The following NCKAP1L variants were observed in gnomAD, a reference collection of about 807,000 sequenced individuals.
NCKAP1L encodes the protein nck-associated protein 1-like.
NCKAP1L carries 53 observed loss-of-function variants against 139.2 expected under a neutral mutation model. The ratio of observed to expected loss-of-function variants is 0.38; its 90% CI spans 0.31 to 0.48. NCKAP1L has a LOEUF of 0.48. NCKAP1L is among the 20% of genes least tolerant of loss of function. NCKAP1L has a pLI of 0.98. For synonymous variants in NCKAP1L, 468 were observed against 499.7 expected (o/e 0.94, Z 0.85); for missense variants, 1,151 against 1,381.9 (o/e 0.83, Z 2.65).
rs1957111717 is a variant in NCKAP1L, at chr12:54,536,230, A to G, written c.3058A>G (p.Ser1020Gly). The G allele has an allele frequency of 6.2e-7, 1 of 1,610,232 alleles. No individual in the cohort carries two copies. ...TGCCACTGACCCTTCTTCCTTTTATAGCATTGAGAAGGATGGTAAGTAAGG... is the reference window on the plus strand; with the variant it reads ...TGCCACTGACCCTTCTTCCTTTTATGGCATTGAGAAGGATGGTAAGTAAGG... ...LLATDPSSFY[S>G]IEKDGYNNNI... The change falls in exon 28 of 31, where the codon AGC (serine) becomes GGC (glycine). Residue 1020 changes from serine (S) to glycine (G), a missense_variant. Physicochemically the swap from Ser to Gly is moderately conservative, Grantham distance 56 (BLOSUM62 0). Transcript: ENST00000293373.
intron 21 of NCKAP1L, 116 bp downstream of exon 21, chr12:54,526,862 G>A (rs1592348394): frequency 1.3e-6 from 1 of 786,256 alleles, no homozygotes; most frequent in East Asian, 2.7e-5. Flanking sequence ...CTCCAAAATG[G>A]AGGGTTGCTT....
At chr12:54,527,668 C>T (rs73310376) in intron 21 of NCKAP1L, among the ~76,000 whole-genome samples, 1,930 of 152,286 alleles carry the variant, frequency 0.013, 29 homozygotes, top group African/African-American at 0.044. Flanking sequence ...GGGTTTGGCC[C>T]ACTGACAGTT....
chr12:54,513,505 T>C (rs1380024040), intron 9 of NCKAP1L, among the ~76,000 whole-genome samples: 1 of 152,166 alleles, frequency 6.6e-6, no homozygotes, highest in Non-Finnish European at 1.5e-5. Context: ...TCTGTGTATG[T>C]TGATATTTAA....
At chr12:54,521,334 G>A (rs1370567813) in intron 18 of NCKAP1L, 96 bp downstream of exon 18, 1 of 1,534,724 alleles carries the variant, frequency 6.5e-7, no homozygotes, top group Non-Finnish European at 8.9e-7. Flanking sequence ...GCCAAGCTCA[G>A]TAACTCTTTC....
At chr12:54,513,899 T>C (rs944880829) in intron 9 of NCKAP1L, among the ~76,000 whole-genome samples, 1 of 151,788 alleles carries the variant, frequency 6.6e-6, no homozygotes, top group African/African-American at 2.4e-5. Context: ...CATCCAGAAA[T>C]GTAAAAAGTG....
chr12:54,544,177 T>C lies in NCKAP1L; in HGVS notation c.*1492T>C, dbSNP rs1016717901. ...CGTGCATCAGCAAATCCTCCTTCCT[T>C]GCTATGGGAAGGGCTTATGTTCTAA... On this transcript the variant is annotated 3_prime_UTR_variant, in exon 31 of 31. Coordinates refer to ENST00000293373, the MANE Select transcript of NCKAP1L (RefSeq NM_005337.5). The C allele has an allele frequency of 2.6e-5, 4 of 152,176 alleles. No homozygotes were observed. The highest frequency in any genetic ancestry group is 2.1e-4 in the South Asian group (1 of 4,824). 9.4% of individuals were successfully genotyped at this position (152,176 alleles called of 1,614,324 possible).
chr12:54,518,632 A>G lies in NCKAP1L; in HGVS notation c.1339-19A>G. 1 of 1,609,136 alleles carries G rather than the reference A, an allele frequency of 6.2e-7. No individual in the cohort carries two copies. ...GGGAACCTGTGCCCACTTGACAGTAACTGCAGCTCCTTTTTTAGAACTTGT... is the reference window on the plus strand; with the variant it reads ...GGGAACCTGTGCCCACTTGACAGTAGCTGCAGCTCCTTTTTTAGAACTTGT... On this transcript the variant is annotated intron_variant, in intron 13 of 30. Transcript: ENST00000293373.
chr12:54,520,160 T>C (rs576263770), intron 16 of NCKAP1L, among the ~76,000 whole-genome samples: 1 of 152,280 alleles, frequency 6.6e-6, no homozygotes, highest in East Asian at 1.9e-4. Context: ...GCAATGTAGT[T>C]GGGGAGATAT....
chr12:54,526,455 T>C, intron 20 of NCKAP1L, 73 bp from the exon 21 acceptor site: 1 of 1,205,264 alleles, frequency 8.3e-7, no homozygotes, highest in Non-Finnish European at 1.2e-6. Flanking sequence ...TGGAACACAA[T>C]ATACACTCAA....
At chr12:54,528,440 A>G (rs993065293) in intron 22 of NCKAP1L, 63 bp downstream of exon 22, 110 of 1,570,492 alleles carry the variant, frequency 7.0e-5, no homozygotes, top group Non-Finnish European at 9.0e-5. Flanking sequence ...CACAGAGAAT[A>G]AAAGACTAGG....
At chr12:54,507,984 A>C in intron 4 of NCKAP1L, 75 bp downstream of exon 4, 3 of 1,317,920 alleles carry the variant, frequency 2.3e-6, no homozygotes, top group Non-Finnish European at 3.3e-6. Flanking sequence ...GTCTAGGTCT[A>C]CTCACAGGAT....
At chr12:54,519,018 T>A in intron 15 of NCKAP1L, 46 bp downstream of exon 15, 2 of 1,569,412 alleles carry the variant, frequency 1.3e-6, no homozygotes, top group Non-Finnish European at 8.8e-7. Flanking sequence ...AGATTCTTCC[T>A]CCCCCACAAT....
chr12:54,509,789 A>G, intron 6 of NCKAP1L, 30 bp downstream of exon 6: 2 of 1,614,218 alleles, frequency 1.2e-6, no homozygotes, highest in African/African-American at 1.3e-5. Flanking sequence ...AGAATTCCTC[A>G]GGCAAAAGTA....
At chr12:54,532,985 A>T (rs1237093390) in intron 26 of NCKAP1L, among the ~76,000 whole-genome samples, 1 of 152,222 alleles carries the variant, frequency 6.6e-6, no homozygotes, top group African/African-American at 2.4e-5. Flanking sequence ...GTTAAGAGGA[A>T]ACTAGTTAGC....
intron 16 of NCKAP1L, among the ~76,000 whole-genome samples, chr12:54,519,891 T>C (rs1203855651): frequency 6.6e-6 from 1 of 152,024 alleles, no homozygotes; most frequent in Non-Finnish European, 1.5e-5. Context: ...TTTTTTTTTT[T>C]TTACTCTAGG....
intron 7 of NCKAP1L, 83 bp from the exon 8 acceptor site, chr12:54,511,720 G>T: frequency 6.7e-7 from 1 of 1,489,266 alleles, no homozygotes; most frequent in South Asian, 1.2e-5. Context: ...AGTTAGTTTT[G>T]ATACTCAGAT....
rs761756139 is a variant in NCKAP1L, at chr12:54,507,928, C to T, written c.363+19C>T. On this transcript the variant is annotated intron_variant, in intron 4 of 30. Transcript: ENST00000293373. ...TGATATCGTAAGAACCTTTGCAATT[C>T]TCTTCTATCGTAGAGTCAAAGAAAA... 1 of 1,611,830 alleles carries T rather than the reference C, an allele frequency of 6.2e-7. No individual in the cohort carries two copies.
intron 18 of NCKAP1L, among the ~76,000 whole-genome samples, chr12:54,521,665 C>A (rs1208909091): frequency 1.3e-5 from 2 of 152,188 alleles, no homozygotes; most frequent in Non-Finnish European, 2.9e-5. Flanking sequence ...AGCACCTCTT[C>A]TGTGTTTATC....
Position 54,503,329 on chromosome 12 carries a change from G to A in NCKAP1L, c.306+2704G>A, listed in dbSNP as rs551553905. Among the ~76,000 whole-genome samples, 3 of 151,590 alleles carry A rather than the reference G, an allele frequency of 2.0e-5. No homozygotes were observed. The South Asian group carries it at 6.2e-4, about 32-fold the overall frequency. ...CATAAAAAATAAAAATTAATATGAT[G>A]TTTTTGAAAGAAAAATTGATAAGGT... is the stretch of plus-strand genomic sequence containing the variant. On this transcript the variant is annotated intron_variant, in intron 3 of 30. Coordinates refer to ENST00000293373, the MANE Select transcript of NCKAP1L (RefSeq NM_005337.5).
Sources: gnomAD v4.1 joint callset for allele counts (sites outside exome capture counted in the v4.1 genomes callset) on GRCh38, gnomAD v4.1.1 for gene constraint, MANE v1.5 for transcripts, NCBI Gene and HGNC (gene_info 2026-07-23, HGNC 2026-07-21) for gene names.